The following SLC12A2 variants were observed in gnomAD, a reference collection of about 807,000 sequenced individuals.
SLC12A2 encodes Na-K-2Cl cotransporter 1.
In SLC12A2, 67 loss-of-function variants were observed where a neutral mutation model predicts 136.3. The ratio of observed to expected loss-of-function variants is 0.49; its 90% CI spans 0.40 to 0.60. SLC12A2 has a LOEUF of 0.60. Among genes scored for constraint, SLC12A2 ranks in the 20% least tolerant of loss-of-function variants. SLC12A2 has a pLI of 0.00. For missense variants in SLC12A2, 1,322 were observed against 1,534.7 expected (o/e 0.86, Z 2.32); for synonymous variants, 619 against 562.9 (o/e 1.10, Z -1.41).
chr5:128,089,867 T>A (rs529571616), intron 1 of SLC12A2, among the ~76,000 whole-genome samples: 2 of 152,316 alleles, frequency 1.3e-5, no homozygotes, highest in East Asian at 3.9e-4. Flanking sequence ...TCACACACTA[T>A]TAATCATTTC....
At chr5:128,141,197 C>T (rs1581105037) in intron 9 of SLC12A2, among the ~76,000 whole-genome samples, 1 of 152,098 alleles carries the variant, frequency 6.6e-6, no homozygotes, top group Admixed American at 6.5e-5. Context: ...AATTATTACC[C>T]AGCTTCAAAA....
At chr5:128,129,150 C>T (rs1019224294) in intron 4 of SLC12A2, among the ~76,000 whole-genome samples, 1 of 151,970 alleles carries the variant, frequency 6.6e-6, no homozygotes, top group Non-Finnish European at 1.5e-5. Context: ...AGAGTGTTGA[C>T]TAATTTCAAT....
At chr5:128,145,540 C>T (rs1762506807) in intron 10 of SLC12A2, among the ~76,000 whole-genome samples, 2 of 152,042 alleles carry the variant, frequency 1.3e-5, no homozygotes, top group Non-Finnish European at 1.5e-5. Context: ...ATATATGTAA[C>T]TACTAAATTG....
chr5:128,184,249 G>T, intron 24 of SLC12A2, 117 bp from the exon 25 acceptor site: 1 of 623,058 alleles, frequency 1.6e-6, no homozygotes, highest in Non-Finnish European at 2.7e-6. Context: ...GGGGTATGGA[G>T]AGGAGCGTAA....
At chr5:128,172,432 C>G (rs1313168366) in intron 19 of SLC12A2, among the ~76,000 whole-genome samples, 1 of 152,110 alleles carries the variant, frequency 6.6e-6, no homozygotes, top group East Asian at 1.9e-4. Context: ...CTTATGTGTT[C>G]ATTTGTGTAA....
intron 23 of SLC12A2, among the ~76,000 whole-genome samples, chr5:128,181,780 T>C (rs1024839584): frequency 5.9e-5 from 9 of 152,102 alleles, no homozygotes; most frequent in African/African-American, 9.7e-5. Flanking sequence ...CCCTATGCTC[T>C]AAACATGCAT....
chr5:128,115,853 T>G (rs1292326182), intron 4 of SLC12A2, among the ~76,000 whole-genome samples: 1 of 152,222 alleles, frequency 6.6e-6, no homozygotes, highest in Non-Finnish European at 1.5e-5. Context: ...ATTGTCTTTA[T>G]ATGTTTTAGA....
chr5:128,140,414 G>A (rs144038457), intron 9 of SLC12A2, among the ~76,000 whole-genome samples: 1,660 of 152,226 alleles, frequency 0.011, 17 homozygotes, highest in Middle Eastern at 0.034. Context: ...AAATATATGG[G>A]TTCCCCTAAA....
chr5:128,187,078 A>T lies in SLC12A2; in HGVS notation c.*447A>T, dbSNP rs1449557985. ...GTCTCTTCCACTTTAAAACAAAATG[A>T]ACACTGCTTGTCTTCTTCCATTGAC... is the stretch of plus-strand genomic sequence containing the variant. On this transcript the variant is annotated 3_prime_UTR_variant, in exon 27 of 27. Coordinates refer to ENST00000262461, the MANE Select transcript of SLC12A2 (RefSeq NM_001046.3). 1 of 157,318 alleles carries T rather than the reference A, an allele frequency of 6.4e-6. No homozygotes were observed. The highest frequency in any genetic ancestry group is 1.4e-5 in the Non-Finnish European group (1 of 70,692). 9.7% of individuals were successfully genotyped at this position (157,318 alleles called of 1,614,324 possible).
Position 128,165,934 on chromosome 5 carries a change from A to AG in SLC12A2, c.2617-1826dup, listed in dbSNP as rs1561698513. 8.7e-5 allele frequency among the ~76,000 whole-genome samples: 5 copies of AG among 57,518 alleles called. 1 individual carries two copies. Among genetic ancestry groups the AG allele is most frequent in the African/African-American group, 2.7e-4 (5 of 18,194 alleles). The allele number at this position is 57,518 out of a possible 152,430, so 37.7% of individuals were successfully genotyped here. A position where few individuals can be genotyped will look rare whatever the true frequency, so the allele number is the denominator to read the frequency against. On this transcript the variant is annotated intron_variant, in intron 17 of 26. Coordinates refer to ENST00000262461, the MANE Select transcript of SLC12A2 (RefSeq NM_001046.3). ...TCTTTTACCTCCCCCCCCCCCCCCC[A>AG]GTTAAAAATATGCTGTGTGGTTAAG...
At chr5:128,104,176 A>G (rs1049142914) in intron 1 of SLC12A2, among the ~76,000 whole-genome samples, 8 of 152,204 alleles carry the variant, frequency 5.3e-5, no homozygotes, top group African/African-American at 1.9e-4. Context: ...AGGAGATGCT[A>G]TCTTGAGCAG....
At chr5:128,136,197 T>G (rs1385332501) in intron 7 of SLC12A2, among the ~76,000 whole-genome samples, 1 of 152,132 alleles carries the variant, frequency 6.6e-6, no homozygotes, top group African/African-American at 2.4e-5. Flanking sequence ...CAATTATTGG[T>G]ATAATTGCAT....
At chr5:128,109,624 G>A in intron 1 of SLC12A2, 1 of 772,436 alleles carries the variant, frequency 1.3e-6, no homozygotes. Context: ...TTCCTACCCA[G>A]TATTTCTATA....
Position 128,084,061 on chromosome 5 carries a change from G to A in SLC12A2, c.107G>A (p.Gly36Asp), listed in dbSNP as rs1005748610. The A allele has an allele frequency of 1.5e-6, 2 of 1,307,682 alleles. No homozygotes were observed. The highest frequency in any genetic ancestry group is 9.7e-7 in the Non-Finnish European group (1 of 1,031,980). The allele number at this position is 1,307,682 out of a possible 1,614,324, so 81.0% of individuals were successfully genotyped here. Residue 36 changes from glycine (G) to aspartate (D), a missense_variant, in exon 1 of 27, where the codon GGC (glycine) becomes GAC (aspartate). Coordinates refer to ENST00000262461, the MANE Select transcript of SLC12A2 (RefSeq NM_001046.3). The surrounding 1 kb of genome is among the most constrained non-coding windows in gnomAD (Gnocchi z 5.6). Reference sequence around the variant, plus strand: ...GCCGCAGCCAGGGTGGAACTGCCCGGCACGGCTGTGCCCTCGGTGCCGGAG... The same window carrying A: ...GCCGCAGCCAGGGTGGAACTGCCCGACACGGCTGTGCCCTCGGTGCCGGAG... ...ALAAARVELP[G>D]TAVPSVPEDA...
At chr5:128,184,195 A>G (rs1002512749) in intron 24 of SLC12A2, among the ~76,000 whole-genome samples, 171 bp from the exon 25 acceptor site, 2 of 152,050 alleles carry the variant, frequency 1.3e-5, no homozygotes, top group East Asian at 3.9e-4. Flanking sequence ...AGAGACTAGA[A>G]ATTGCTGTTT....
chr5:128,151,532 A>C, intron 14 of SLC12A2, 136 bp downstream of exon 14: 1 of 737,818 alleles, frequency 1.4e-6, no homozygotes. Flanking sequence ...AAAACCTAAA[A>C]TACTTTATTT....
chr5:128,088,008 T>TGTGTGA (rs1491462264), intron 1 of SLC12A2, among the ~76,000 whole-genome samples: 1 of 10,790 alleles, frequency 9.3e-5, no homozygotes, highest in African/African-American at 7.0e-4. Context: ...GAGGAGGCTC[T>TGTGTGA]GTGTGTGTGT....
chr5:128,111,158 A>T (rs905901382), intron 1 of SLC12A2, among the ~76,000 whole-genome samples: 12 of 152,208 alleles, frequency 7.9e-5, no homozygotes, highest in African/African-American at 2.9e-4. Flanking sequence ...ACTGTACTTT[A>T]CATTTTTAGA....
chr5:128,141,841 G>C lies in SLC12A2; in HGVS notation c.1633G>C (p.Val545Leu). 1 of 1,612,612 alleles carries C rather than the reference G, an allele frequency of 6.2e-7. No individual in the cohort carries two copies. Among genetic ancestry groups the C allele is most frequent in the East Asian group, 2.2e-5 (1 of 44,730 alleles). ...GIAVSVGSCV[V>L]RDATGNVNDT... ...CACTTGTGCTTTAGGTTCTTGTGTTGTTCGAGATGCCACTGGAAACGTTAA... is the reference window on the plus strand; with the variant it reads ...CACTTGTGCTTTAGGTTCTTGTGTTCTTCGAGATGCCACTGGAAACGTTAA... Residue 545 changes from valine (V) to leucine (L), a missense_variant, in exon 10 of 27, where the codon GTT (valine) becomes CTT (leucine). By Grantham distance (32) the Val-to-Leu change is conservative. Around this residue, in one of 8 missense-constraint regions of SLC12A2, gnomAD observed 294 missense variants for 436.6 expected, o/e 0.67. Transcript: ENST00000262461.
Sources: allele counts gnomAD v4.1 joint callset (sites outside exome capture counted in the v4.1 genomes callset), GRCh38; gene constraint gnomAD v4.1.1; regional missense constraint gnomAD v4.1.1; non-coding constraint Gnocchi (gnomAD v3.1); transcripts MANE v1.5; gene names NCBI Gene and HGNC (gene_info 2026-07-23, HGNC 2026-07-21).